SGCD: variants seen among roughly 807,000 people sequenced by gnomAD.
The protein encoded by SGCD is sarcoglycan delta, also known as delta-sarcoglycan.
A neutral mutation model predicts 36.6 loss-of-function variants in SGCD; 18 were observed. The observed-to-expected ratio is 0.49, with a 90% CI of 0.34 to 0.73. The LOEUF (loss-of-function observed/expected upper bound fraction) is 0.73, where lower values mean the gene tolerates loss of function less well. Ranked by LOEUF, SGCD falls within the 30% of genes least tolerant of loss-of-function variation. The pLI, the probability that SGCD is intolerant of heterozygous loss-of-function variation, is 0.01. For synonymous variants in SGCD, 133 were observed against 130.6 expected (o/e 1.02, Z -0.12); for missense variants, 387 against 346.7 (o/e 1.12, Z -0.92).
intron 3 of SGCD, among the ~76,000 whole-genome samples, chr5:156,458,893 T>C (rs1754366620): frequency 6.6e-6 from 1 of 152,198 alleles, no homozygotes; most frequent in Non-Finnish European, 1.5e-5. Flanking sequence ...AACTTGAAAC[T>C]CTTTGAAAGA....
intron 4 of SGCD, among the ~76,000 whole-genome samples, chr5:156,576,646 G>GT (rs1426491218): frequency 6.6e-6 from 1 of 152,136 alleles, no homozygotes; most frequent in Non-Finnish European, 1.5e-5. Flanking sequence ...ATCTCATTGT[G>GT]TTTTTTATTT....
At chr5:156,722,674 T>C (rs960896802) in intron 7 of SGCD, among the ~76,000 whole-genome samples, 20 of 152,246 alleles carry the variant, frequency 1.3e-4, no homozygotes, top group Non-Finnish European at 1.5e-5. Flanking sequence ...TCTTATCCAA[T>C]GCTTCTTCCA....
chr5:156,608,973 A>G (rs1219311632), intron 6 of SGCD, among the ~76,000 whole-genome samples: 15 of 152,114 alleles, frequency 9.9e-5, no homozygotes, highest in African/African-American at 3.4e-4. Context: ...AATACAGCAC[A>G]CTGATGGGTC....
chr5:155,741,157 G>A, the SGCD span, among the ~76,000 whole-genome samples: 1 of 152,234 alleles, frequency 6.6e-6, no homozygotes, highest in East Asian at 1.9e-4. Flanking sequence ...TGCCTGAAGA[G>A]TTGAAGTCAG....
At chr5:156,110,429 G>A (rs1761755709) in intron 1 of SGCD, among the ~76,000 whole-genome samples, 2 of 151,924 alleles carry the variant, frequency 1.3e-5, no homozygotes, top group South Asian at 2.1e-4. Flanking sequence ...GGAGTCCATA[G>A]CATCCCAAAT....
chr5:155,984,347 C>T (rs1758287830), intron 1 of SGCD, among the ~76,000 whole-genome samples: 1 of 152,146 alleles, frequency 6.6e-6, no homozygotes, highest in South Asian at 2.1e-4. Context: ...TTTCCTAAAT[C>T]TGTTCGTGAT....
chr5:156,300,540 A>G (rs1236019578), intron 3 of SGCD, among the ~76,000 whole-genome samples: 1 of 152,108 alleles, frequency 6.6e-6, no homozygotes, highest in Non-Finnish European at 1.5e-5. Flanking sequence ...CATATGGTCT[A>G]TCCTTGAGAA....
chr5:155,819,272 T>C, the SGCD span, among the ~76,000 whole-genome samples: 1 of 152,212 alleles, frequency 6.6e-6, no homozygotes, highest in Non-Finnish European at 1.5e-5. Flanking sequence ...GAGGGAGTCA[T>C]TTCTTTGTAT....
chr5:155,801,636 A>G, the SGCD span, among the ~76,000 whole-genome samples: 1 of 152,204 alleles, frequency 6.6e-6, no homozygotes, highest in African/African-American at 2.4e-5. Flanking sequence ...GTAGGTGGCC[A>G]TGTTTTAGAA....
chr5:156,373,951 T>C (rs1342658297), intron 3 of SGCD, among the ~76,000 whole-genome samples: 1 of 152,190 alleles, frequency 6.6e-6, no homozygotes, highest in Non-Finnish European at 1.5e-5. Flanking sequence ...AGACCTTAGA[T>C]GCCTCTTTCA....
intron 1 of SGCD, among the ~76,000 whole-genome samples, chr5:155,952,451 C>A (rs931019863): frequency 1.3e-5 from 2 of 152,028 alleles, no homozygotes; most frequent in Non-Finnish European, 2.9e-5. Flanking sequence ...GTCATTTCCT[C>A]CTAGCTCTTC....
chr5:156,644,905 T>C (rs556977505), intron 6 of SGCD, among the ~76,000 whole-genome samples: 5 of 149,368 alleles, frequency 3.3e-5, no homozygotes, highest in South Asian at 4.3e-4. Context: ...TTATTACTTA[T>C]GGCAGTGGAG....
At chr5:156,174,917 A>G (rs1302954929) in intron 3 of SGCD, among the ~76,000 whole-genome samples, 1 of 152,234 alleles carries the variant, frequency 6.6e-6, no homozygotes, top group African/African-American at 2.4e-5. Context: ...TATAACTGAA[A>G]ATGGAATCTT....
At chr5:156,711,502 CT>C (rs1754992927) in intron 7 of SGCD, among the ~76,000 whole-genome samples, 1 of 152,134 alleles carries the variant, frequency 6.6e-6, no homozygotes, top group African/African-American at 2.4e-5. Context: ...AACGTAAGTA[CT>C]TTTTAATCAA....
chr5:156,285,256 A>G (rs1217659493), intron 3 of SGCD, among the ~76,000 whole-genome samples: 1 of 152,184 alleles, frequency 6.6e-6, no homozygotes, highest in African/African-American at 2.4e-5. Flanking sequence ...GCCCAAGGGA[A>G]TTTATGGATT....
chr5:156,275,110 G>A (rs1766282677), intron 3 of SGCD, among the ~76,000 whole-genome samples: 1 of 152,100 alleles, frequency 6.6e-6, no homozygotes, highest in Non-Finnish European at 1.5e-5. Context: ...CATAGGTGAG[G>A]GCAGATGTGA....
At chr5:156,425,519 C>T (rs751053007) in intron 3 of SGCD, among the ~76,000 whole-genome samples, 1 of 151,912 alleles carries the variant, frequency 6.6e-6, no homozygotes, top group Non-Finnish European at 1.5e-5. Flanking sequence ...TTGCTACAGT[C>T]CTGAGAAAGG....
intron 1 of SGCD, among the ~76,000 whole-genome samples, chr5:155,976,476 C>T (rs1758115624): frequency 6.6e-6 from 1 of 152,144 alleles, no homozygotes; most frequent in South Asian, 2.1e-4. Context: ...AGCTGTTAAC[C>T]AGCATACCAA....
In SGCD at chr5:156,049,864, A is replaced by T. The variant is rs532063592; in HGVS notation, c.-281-68014A>T. Among the ~76,000 whole-genome samples, 4 of 146,414 alleles carry T rather than the reference A, an allele frequency of 2.7e-5. 1 individual carries two copies. Among genetic ancestry groups the T allele is most frequent in the Non-Finnish European group, 6.2e-5 (4 of 64,944 alleles). ...AAGAAATTGCAGATGTGGTGGAACT[A>T]GCCAGAGAACTGGAATTAGAAGTAG... is the stretch of plus-strand genomic sequence containing the variant. On this transcript the variant is annotated intron_variant, in intron 1 of 9. Transcript: ENST00000517913.
Sources: allele counts gnomAD v4.1 joint callset (sites outside exome capture counted in the v4.1 genomes callset), GRCh38; gene constraint gnomAD v4.1.1; transcripts MANE v1.5; gene names NCBI Gene and HGNC (gene_info 2026-07-23, HGNC 2026-07-21).